CAB39L: variants seen among roughly 807,000 people sequenced by gnomAD.
The protein encoded by CAB39L is calcium binding protein 39 like.
Under a neutral mutation model 39.1 loss-of-function variants are expected in CAB39L, and 23 were observed. That is an observed-to-expected ratio of 0.59 (90% CI 0.42 to 0.83). CAB39L has a LOEUF of 0.83. Among genes scored for constraint, CAB39L ranks in the 40% least tolerant of loss-of-function variants. The probability of loss-of-function intolerance (pLI) is 0.00; values close to 1 mark genes in which losing one functional copy is unlikely to be tolerated. For synonymous variants in CAB39L, 126 were observed against 137.2 expected (o/e 0.92, Z 0.57); for missense variants, 366 against 391.9 (o/e 0.93, Z 0.56).
intron 1 of CAB39L, among the ~76,000 whole-genome samples, chr13:49,443,494 A>G (rs1053502703): frequency 6.6e-6 from 1 of 152,146 alleles, no homozygotes; most frequent in Non-Finnish European, 1.5e-5. Context: ...CTCGAAAAGG[A>G]CGGAAGAGGA....
intron 5 of CAB39L, among the ~76,000 whole-genome samples, chr13:49,365,896 A>G (rs977935813): frequency 6.6e-6 from 1 of 152,238 alleles, no homozygotes; most frequent in Non-Finnish European, 1.5e-5. Context: ...GAAACAACCT[A>G]AATGTCCAAA....
intron 3 of CAB39L, among the ~76,000 whole-genome samples, chr13:49,412,609 A>G (rs1433181125): frequency 6.6e-6 from 1 of 152,100 alleles, no homozygotes; most frequent in Non-Finnish European, 1.5e-5. Flanking sequence ...AAATCTCACT[A>G]ATTCTCCACT....
intron 3 of CAB39L, among the ~76,000 whole-genome samples, chr13:49,427,189 C>T (rs567148478): frequency 1.3e-5 from 2 of 152,250 alleles, no homozygotes; most frequent in East Asian, 3.9e-4. Context: ...AAAGCTTATG[C>T]TACTATATTA....
At chr13:49,335,066 A>G (rs1954813452) in intron 9 of CAB39L, among the ~76,000 whole-genome samples, 1 of 152,198 alleles carries the variant, frequency 6.6e-6, no homozygotes, top group Non-Finnish European at 1.5e-5. Flanking sequence ...TTATATTTCA[A>G]AGGTAGGGCT....
intron 10 of CAB39L, among the ~76,000 whole-genome samples, chr13:49,329,574 TATATATATATATATATATATATA>T (rs1954623996): frequency 5.3e-5 from 6 of 112,380 alleles, no homozygotes; most frequent in African/African-American, 1.6e-4. Flanking sequence ...TATATATATA[TATATATATATATATATATATATA>T]ATGATGTAAT....
Position 49,442,810 on chromosome 13 carries a change from A to C in CAB39L, c.-246+1176T>G, listed in dbSNP as rs868040634. 4.0e-3 allele frequency among the ~76,000 whole-genome samples: 598 copies of C among 148,344 alleles called. 8 individuals are homozygous for C. Among genetic ancestry groups the C allele is most frequent in the Middle Eastern group, 0.031 (9 of 294 alleles). On this transcript the variant is annotated intron_variant, in intron 1 of 10. Transcript: ENST00000409308. ...CTCAAAAAAAAAAAAAAAAAAAAAAAAAAAAAAAACATCAATTATTTTGCT... is the reference window on the plus strand; with the variant it reads ...CTCAAAAAAAAAAAAAAAAAAAAAACAAAAAAAAACATCAATTATTTTGCT...
chr13:49,355,378 T>A (rs1334073674), intron 6 of CAB39L, among the ~76,000 whole-genome samples: 1 of 152,034 alleles, frequency 6.6e-6, no homozygotes, highest in African/African-American at 2.4e-5. Context: ...CAAGACCCTG[T>A]CTCGATAAAT....
chr13:49,352,124 T>A (rs147639641), intron 6 of CAB39L, among the ~76,000 whole-genome samples: 40 of 152,136 alleles, frequency 2.6e-4, no homozygotes, highest in African/African-American at 8.9e-4. Context: ...TTGACTCACT[T>A]AAATCCTAAG....
intron 10 of CAB39L, among the ~76,000 whole-genome samples, chr13:49,322,929 T>G (rs1021904752): frequency 6.6e-6 from 1 of 152,244 alleles, no homozygotes; most frequent in African/African-American, 2.4e-5. Flanking sequence ...TGGCTTGCAT[T>G]ATGATATTCT....
chr13:49,373,165 C>T (rs1338780522), intron 5 of CAB39L, among the ~76,000 whole-genome samples: 1 of 152,200 alleles, frequency 6.6e-6, no homozygotes, highest in East Asian at 1.9e-4. Flanking sequence ...CTCTCTCCCT[C>T]CCTCCAAACC....
intron 8 of CAB39L, among the ~76,000 whole-genome samples, chr13:49,343,448 C>CAT (rs1289851705): frequency 6.6e-6 from 1 of 152,108 alleles, no homozygotes; most frequent in Non-Finnish European, 1.5e-5. Flanking sequence ...CTCTAAAGTC[C>CAT]ATACTGTGCT....
chr13:49,314,737 T>C (rs1954106418), intron 10 of CAB39L, among the ~76,000 whole-genome samples: 1 of 152,226 alleles, frequency 6.6e-6, no homozygotes, highest in African/African-American at 2.4e-5. Flanking sequence ...TTATTAGCTT[T>C]ATGATTTCAC....
chr13:49,327,489 G>T (rs760132932), intron 10 of CAB39L, among the ~76,000 whole-genome samples: 10 of 151,982 alleles, frequency 6.6e-5, no homozygotes, highest in Non-Finnish European at 1.5e-4. Context: ...TTTTTAGTAG[G>T]GACTGGGTTT....
At chr13:49,371,890 C>A (rs1186641041) in intron 5 of CAB39L, among the ~76,000 whole-genome samples, 1 of 152,002 alleles carries the variant, frequency 6.6e-6, no homozygotes, top group Non-Finnish European at 1.5e-5. Context: ...CTGCACTGGG[C>A]CTGTTTTGCT....
At chr13:49,316,432 T>C (rs912342649) in intron 10 of CAB39L, among the ~76,000 whole-genome samples, 4 of 152,166 alleles carry the variant, frequency 2.6e-5, no homozygotes, top group African/African-American at 9.7e-5. Flanking sequence ...CTCAAATTCT[T>C]CTGAAAACTG....
chr13:49,438,166 C>T (rs563001036), intron 1 of CAB39L, among the ~76,000 whole-genome samples: 118 of 152,198 alleles, frequency 7.8e-4, no homozygotes, highest in African/African-American at 2.8e-3. Context: ...TTCTATCTTG[C>T]ACTTCTGAGT....
intron 1 of CAB39L, among the ~76,000 whole-genome samples, chr13:49,439,255 C>T (rs932488462): frequency 2.6e-5 from 4 of 151,894 alleles, no homozygotes; most frequent in Admixed American, 2.0e-4. Flanking sequence ...CTTTTTTTCC[C>T]CTGAAAACAT....
chr13:49,373,942 C>T (rs973079342), intron 5 of CAB39L, among the ~76,000 whole-genome samples: 2 of 152,188 alleles, frequency 1.3e-5, no homozygotes, highest in African/African-American at 4.8e-5. Context: ...GCCTCCAGTT[C>T]ATAGAGATAA....
At chr13:49,315,254 T>G (rs1476321235) in intron 10 of CAB39L, among the ~76,000 whole-genome samples, 1 of 152,150 alleles carries the variant, frequency 6.6e-6, no homozygotes, top group Non-Finnish European at 1.5e-5. Flanking sequence ...GAGTGGCTCA[T>G]GATGAGACAG....
Sources: allele counts gnomAD v4.1 joint callset (sites outside exome capture counted in the v4.1 genomes callset), GRCh38; gene constraint gnomAD v4.1.1; transcripts MANE v1.5; gene names NCBI Gene and HGNC (gene_info 2026-07-23, HGNC 2026-07-21).